The following EPHA3 variants were observed in gnomAD, a reference collection of about 807,000 sequenced individuals.
EPHA3 encodes the protein ephrin type-A receptor 3.
Under a neutral mutation model 107.1 loss-of-function variants are expected in EPHA3, and 42 were observed. The observed-to-expected ratio is 0.39, with a 90% CI of 0.31 to 0.51. The LOEUF is 0.51. Ranked by LOEUF, EPHA3 falls within the 20% of genes least tolerant of loss-of-function variation. EPHA3 has a pLI of 0.78. For missense variants in EPHA3, 1,183 were observed against 1,211.2 expected, an observed-to-expected ratio of 0.98 and a Z score of 0.35; for synonymous variants, 461 against 424.8, an observed-to-expected ratio of 1.09 and a Z score of -1.05.
rs115429672 is a variant in EPHA3, at chr3:89,450,011, G to A, written c.2497-166G>A. Among the ~76,000 whole-genome samples the A allele has an allele frequency of 8.0e-3, 1,220 of 151,848 alleles. 19 individuals carry two copies. Among genetic ancestry groups the A allele is most frequent in the African/African-American group, 0.027 (1,111 of 41,402 alleles). ...ATATAATATTTTAGGCATACATAACGTCTTATTTATTTGATCAGTTGTTAT... is the reference window on the plus strand; with the variant it reads ...ATATAATATTTTAGGCATACATAACATCTTATTTATTTGATCAGTTGTTAT... On this transcript the variant is annotated intron_variant, in intron 14 of 16. Transcript: ENST00000336596.
intron 5 of EPHA3, among the ~76,000 whole-genome samples, chr3:89,346,388 A>G (rs2107430884): frequency 1.4e-5 from 2 of 141,762 alleles, no homozygotes; most frequent in South Asian, 4.4e-4. Flanking sequence ...GCATTTTTTC[A>G]TGTGTTTTTT....
intron 15 of EPHA3, among the ~76,000 whole-genome samples, chr3:89,469,340 A>AT (rs893682896): frequency 7.2e-5 from 11 of 151,738 alleles, no homozygotes; most frequent in African/African-American, 1.5e-4. Context: ...CAATGTTGCA[A>AT]TTTTTTTTTC....
intron 2 of EPHA3, among the ~76,000 whole-genome samples, chr3:89,196,516 T>G (rs1252078718): frequency 1.3e-5 from 2 of 151,894 alleles, no homozygotes; most frequent in Non-Finnish European, 2.9e-5. Flanking sequence ...AAATATGTGT[T>G]GAGTTAGTCA....
intron 3 of EPHA3, among the ~76,000 whole-genome samples, chr3:89,241,747 C>A (rs934068667): frequency 6.6e-6 from 1 of 152,096 alleles, no homozygotes; most frequent in Admixed American, 6.6e-5. Flanking sequence ...TTCTTTGTTT[C>A]TCATCTGAAT....
chr3:89,438,335 TCTC>T (rs1288211571), intron 13 of EPHA3, among the ~76,000 whole-genome samples: 1 of 151,934 alleles, frequency 6.6e-6, no homozygotes, highest in South Asian at 2.1e-4. Flanking sequence ...ATGGTCTCGA[TCTC>T]CTGACCTCGT....
At chr3:89,383,790 A>AGGT (rs1559674569) in intron 5 of EPHA3, among the ~76,000 whole-genome samples, 1 of 151,630 alleles carries the variant, frequency 6.6e-6, no homozygotes, top group Non-Finnish European at 1.5e-5. Flanking sequence ...CTGGGACTAC[A>AGGT]GGTGCCCGCC....
intron 5 of EPHA3, among the ~76,000 whole-genome samples, chr3:89,373,402 A>G (rs1323501753): frequency 1.3e-5 from 2 of 152,044 alleles, no homozygotes; most frequent in South Asian, 2.1e-4. Flanking sequence ...ATAACTTTGC[A>G]TATATTTCTG....
chr3:89,217,965 T>A (rs1704257276), intron 3 of EPHA3, among the ~76,000 whole-genome samples: 1 of 152,134 alleles, frequency 6.6e-6, no homozygotes, highest in Non-Finnish European at 1.5e-5. Flanking sequence ...AAATTTGTAT[T>A]TCAGAGATTT....
intron 3 of EPHA3, among the ~76,000 whole-genome samples, chr3:89,285,751 C>T (rs1706067069): frequency 6.6e-6 from 1 of 152,108 alleles, no homozygotes; most frequent in Non-Finnish European, 1.5e-5. Context: ...ACTGAGACAA[C>T]AAGTATTGCC....
intron 1 of EPHA3, among the ~76,000 whole-genome samples, chr3:89,108,981 A>G (rs1707036948): frequency 6.6e-6 from 1 of 152,180 alleles, no homozygotes; most frequent in Non-Finnish European, 1.5e-5. Context: ...TTGTCAAGCC[A>G]ATACTGTTGT....
chr3:89,320,938 C>G (rs189209085), intron 3 of EPHA3, among the ~76,000 whole-genome samples: 3 of 152,042 alleles, frequency 2.0e-5, no homozygotes, highest in African/African-American at 4.8e-5. Flanking sequence ...ACTGAAAAGT[C>G]ACTCCTGTGT....
intron 16 of EPHA3, among the ~76,000 whole-genome samples, chr3:89,474,906 A>G (rs73139125): frequency 0.23 from 35,362 of 152,036 alleles, 4,373 homozygotes; most frequent in Non-Finnish European, 0.25. Context: ...CAAGATGAAA[A>G]CTGACTTTTC....
At chr3:89,376,001 G>A (rs1708397426) in intron 5 of EPHA3, among the ~76,000 whole-genome samples, 1 of 151,770 alleles carries the variant, frequency 6.6e-6, no homozygotes, top group Non-Finnish European at 1.5e-5. Flanking sequence ...ACCTTACATG[G>A]CACCTGGCAT....
intron 3 of EPHA3, among the ~76,000 whole-genome samples, chr3:89,277,488 T>G (rs754576944): frequency 6.6e-6 from 1 of 152,120 alleles, no homozygotes; most frequent in Non-Finnish European, 1.5e-5. Context: ...CCACAAAACT[T>G]TAGTTCAGAA....
At chr3:89,223,236 T>C (rs556719772) in intron 3 of EPHA3, among the ~76,000 whole-genome samples, 27 of 152,260 alleles carry the variant, frequency 1.8e-4, no homozygotes, top group Non-Finnish European at 3.4e-4. Context: ...TGCAAGATGA[T>C]GGGTGGCATC....
At chr3:89,238,240 C>A (rs1204770287) in intron 3 of EPHA3, among the ~76,000 whole-genome samples, 1 of 151,994 alleles carries the variant, frequency 6.6e-6, no homozygotes, top group Non-Finnish European at 1.5e-5. Context: ...TATGGGGTAG[C>A]CAGATGGATA....
intron 16 of EPHA3, among the ~76,000 whole-genome samples, chr3:89,473,359 A>G (rs1056918433): frequency 3.2e-4 from 49 of 152,178 alleles, no homozygotes; most frequent in African/African-American, 1.1e-3. Context: ...TTGATATGAG[A>G]AACACATGGA....
At chr3:89,362,824 A>C (rs1203347744) in intron 5 of EPHA3, among the ~76,000 whole-genome samples, 1 of 150,942 alleles carries the variant, frequency 6.6e-6, no homozygotes, top group Non-Finnish European at 1.5e-5. Context: ...CAATAAATGA[A>C]GTTTTACTTC....
At chr3:89,367,828 ATTCTT>A (rs1472599326) in intron 5 of EPHA3, among the ~76,000 whole-genome samples, 2 of 150,732 alleles carry the variant, frequency 1.3e-5, no homozygotes. Flanking sequence ...TTTTTCTCTA[ATTCTT>A]CTCAGCTGGA....
Sources: gnomAD v4.1 joint callset for allele counts (sites outside exome capture counted in the v4.1 genomes callset) on GRCh38, gnomAD v4.1.1 for gene constraint, MANE v1.5 for transcripts, NCBI Gene and HGNC (gene_info 2026-07-23, HGNC 2026-07-21) for gene names.